Variants in DOCK1 observed in about 807,000 individuals in gnomAD.
DOCK1 encodes dedicator of cytokinesis 1.
DOCK1 carries 138 observed loss-of-function variants against 262.7 expected under a neutral mutation model. The ratio of observed to expected loss-of-function variants is 0.53; its 90% CI spans 0.46 to 0.61. DOCK1 has a LOEUF of 0.61. Ranked by LOEUF, DOCK1 falls within the 20% of genes least tolerant of loss-of-function variation. The pLI is 0.00. For missense variants in DOCK1, 1,908 were observed against 2,370.7 expected (o/e 0.80, Z 4.05); for synonymous variants, 866 against 867.4 (o/e 1.00, Z 0.03).
chr10:126,996,896 C>G lies in DOCK1; in HGVS notation c.609+13C>G. 1.3e-6 allele frequency: 2 copies of G among 1,571,116 alleles called. No homozygotes were observed. The highest frequency in any genetic ancestry group is 1.7e-6 in the Non-Finnish European group (2 of 1,164,300). ...ACAAGAGGAAAAAGTAAGTTTGACTCTGTCATATGCCATTCACGTTTTCTC... is the reference window on the plus strand; with the variant it reads ...ACAAGAGGAAAAAGTAAGTTTGACTGTGTCATATGCCATTCACGTTTTCTC... On this transcript the variant is annotated intron_variant, in intron 7 of 51. Transcript: ENST00000623213.
chr10:127,096,400 CAG>C (rs1379102340), intron 23 of DOCK1, among the ~76,000 whole-genome samples: 1 of 152,134 alleles, frequency 6.6e-6, no homozygotes, highest in Non-Finnish European at 1.5e-5. Flanking sequence ...CTTCCAAAGA[CAG>C]AACACTTAAG....
chr10:126,918,021 C>T (rs1304274788), intron 1 of DOCK1, among the ~76,000 whole-genome samples: 1 of 152,180 alleles, frequency 6.6e-6, no homozygotes. Flanking sequence ...CAGCTGTGCC[C>T]ATTGAGAGCT....
intron 29 of DOCK1, among the ~76,000 whole-genome samples, chr10:127,338,064 G>A (rs1177536754): frequency 6.6e-6 from 1 of 152,216 alleles, no homozygotes; most frequent in Non-Finnish European, 1.5e-5. Context: ...GCTGTCAGAG[G>A]ACAGCAGTTA....
intron 1 of DOCK1, among the ~76,000 whole-genome samples, chr10:126,925,541 G>C (rs375216610): frequency 5.3e-5 from 8 of 151,978 alleles, no homozygotes; most frequent in African/African-American, 1.7e-4. Flanking sequence ...CCACCACCAC[G>C]CCCAGCTAAT....
intron 27 of DOCK1, among the ~76,000 whole-genome samples, chr10:127,182,127 C>T (rs2055796236): frequency 6.6e-6 from 1 of 152,066 alleles, no homozygotes; most frequent in African/African-American, 2.4e-5. Flanking sequence ...GCCCCGTTCC[C>T]TCGATGTGTA....
intron 39 of DOCK1, 71 bp from the exon 40 acceptor site, chr10:127,404,254 C>G (rs771191905): frequency 1.8e-5 from 25 of 1,366,266 alleles, no homozygotes; most frequent in Middle Eastern, 1.8e-4. Context: ...TTAAAGAGCC[C>G]GCAAGAAGAA....
At chr10:127,063,330 G>GTGTGCTGAGACGTGGC (rs1316363008) in intron 23 of DOCK1, among the ~76,000 whole-genome samples, 1 of 152,194 alleles carries the variant, frequency 6.6e-6, no homozygotes, top group Non-Finnish European at 1.5e-5. Context: ...AAAGATGTAT[G>GTGTGCTGAGACGTGGC]TGTGCTGAGA....
intron 2 of DOCK1, among the ~76,000 whole-genome samples, chr10:126,975,740 C>G (rs954048504): frequency 6.6e-6 from 1 of 151,394 alleles, no homozygotes; most frequent in Non-Finnish European, 1.5e-5. Context: ...TTCTCAGCTT[C>G]CCGAGTACCT....
chr10:126,997,040 TG>T (rs1196753980), intron 7 of DOCK1, among the ~76,000 whole-genome samples, 157 bp downstream of exon 7: 2 of 152,166 alleles, frequency 1.3e-5, no homozygotes, highest in Non-Finnish European at 2.9e-5. Context: ...GAATGGAGCC[TG>T]GTGGCACAGG....
chr10:127,365,297 G>A (rs2064843525), intron 33 of DOCK1, among the ~76,000 whole-genome samples: 1 of 152,158 alleles, frequency 6.6e-6, no homozygotes, highest in South Asian at 2.1e-4. Flanking sequence ...TGTAATTACG[G>A]ATTTCAAATA....
chr10:127,066,366 A>G (rs1469337295), intron 23 of DOCK1, among the ~76,000 whole-genome samples: 2 of 152,074 alleles, frequency 1.3e-5, no homozygotes, highest in Non-Finnish European at 2.9e-5. Context: ...AAAGTCTTGG[A>G]ACCGTTTCCT....
intron 30 of DOCK1, among the ~76,000 whole-genome samples, chr10:127,341,436 A>G (rs2063420768): frequency 6.6e-6 from 1 of 152,204 alleles, no homozygotes; most frequent in Non-Finnish European, 1.5e-5. Context: ...TCTTTTAAAA[A>G]CATACTGCTT....
intron 22 of DOCK1, among the ~76,000 whole-genome samples, chr10:127,060,678 T>TTATTTTCAATTACAC (rs368847986): frequency 2.2e-3 from 338 of 152,356 alleles, no homozygotes; most frequent in African/African-American, 7.8e-3. Flanking sequence ...CAAACGAGAC[T>TTATTTTCAATTACAC]TATTTTCAAT....
chr10:127,386,930 G>A (rs1299410309), intron 38 of DOCK1, among the ~76,000 whole-genome samples: 1 of 152,198 alleles, frequency 6.6e-6, no homozygotes, highest in Non-Finnish European at 1.5e-5. Flanking sequence ...GGTTAGCCAG[G>A]AGAATCCTGT....
intron 22 of DOCK1, among the ~76,000 whole-genome samples, chr10:127,058,872 A>G (rs2045349675): frequency 6.6e-6 from 1 of 152,104 alleles, no homozygotes; most frequent in Admixed American, 6.5e-5. Context: ...TCCATAAGAC[A>G]TTACTGTTAT....
intron 29 of DOCK1, among the ~76,000 whole-genome samples, chr10:127,279,145 C>T (rs1448120520): frequency 6.6e-6 from 1 of 152,216 alleles, no homozygotes; most frequent in African/African-American, 2.4e-5. Flanking sequence ...AATAAAATAG[C>T]ATTCATGGTG....
chr10:127,347,494 G>A (rs868778154), intron 31 of DOCK1, among the ~76,000 whole-genome samples: 12 of 152,192 alleles, frequency 7.9e-5, no homozygotes, highest in Admixed American at 3.3e-4. Context: ...ACGGGACATC[G>A]AGTGCCAAAG....
intron 27 of DOCK1, among the ~76,000 whole-genome samples, chr10:127,133,164 A>G (rs1426934011): frequency 2.0e-5 from 3 of 152,212 alleles, no homozygotes; most frequent in Non-Finnish European, 1.5e-5. Flanking sequence ...TTCTCTGAGC[A>G]TGGGTGATTG....
intron 11 of DOCK1, among the ~76,000 whole-genome samples, chr10:127,010,361 G>A (rs1302006310): frequency 6.6e-6 from 1 of 152,196 alleles, no homozygotes; most frequent in Non-Finnish European, 1.5e-5. Flanking sequence ...CAGCTACTTG[G>A]GAGGCTGAGG....
Sources: gnomAD v4.1 joint callset for allele counts (sites outside exome capture counted in the v4.1 genomes callset) on GRCh38, gnomAD v4.1.1 for gene constraint, MANE v1.5 for transcripts, NCBI Gene and HGNC (gene_info 2026-07-23, HGNC 2026-07-21) for gene names.